Variants in CNOT1 observed in about 807,000 individuals in gnomAD.
CNOT1 encodes the protein CCR4-associated factor 1.
In CNOT1, 15 loss-of-function variants were observed where a neutral mutation model predicts 273.8. The observed-to-expected ratio is 0.05, with a 90% confidence interval of 0.04 to 0.08. The LOEUF (loss-of-function observed/expected upper bound fraction) is 0.08. Ranked by LOEUF, CNOT1 falls within the 10% of genes least tolerant of loss-of-function variation. CNOT1 has a pLI of 1.00. For missense variants in CNOT1, 1,644 were observed against 2,912.2 expected (o/e 0.56, Z 10.02); for synonymous variants, 1,022 against 1,005.5 (o/e 1.02, Z -0.31).
chr16:58,605,742 G>A (rs1354011725), intron 1 of CNOT1, among the ~76,000 whole-genome samples: 3 of 152,012 alleles, frequency 2.0e-5, no homozygotes, highest in Admixed American at 1.3e-4. Context: ...ACGGCTTACC[G>A]CAGCCTCCCT....
In CNOT1 at chr16:58,573,020, A is replaced by G. The variant is rs142568475; in HGVS notation, c.1979+1589T>C. ...TGAAAAAATATCACTGAAAAAAATTAAAGAGGCCAGGCGTAGTGGTTCACA... is the reference window on the plus strand; with the variant it reads ...TGAAAAAATATCACTGAAAAAAATTGAAGAGGCCAGGCGTAGTGGTTCACA... On this transcript the variant is annotated intron_variant, in intron 16 of 48. Coordinates refer to ENST00000317147, the MANE Select transcript of CNOT1 (RefSeq NM_016284.5). 5.5e-3 allele frequency among the ~76,000 whole-genome samples: 840 copies of G among 151,974 alleles called. 5 individuals are homozygous for G. Among genetic ancestry groups the G allele is most frequent in the African/African-American group, 0.02 (814 of 41,508 alleles).
At chr16:58,584,520 A>G (rs771420480) in intron 8 of CNOT1, among the ~76,000 whole-genome samples, 3 of 151,996 alleles carry the variant, frequency 2.0e-5, no homozygotes, top group Non-Finnish European at 4.4e-5. Flanking sequence ...TAGTATAGAC[A>G]GGGTCTTCAC....
chr16:58,622,276 T>C lies in CNOT1; in HGVS notation c.-175+7452A>G, dbSNP rs894822696. On this transcript the variant is annotated intron_variant, in intron 1 of 48. Transcript: ENST00000317147. The stretch of plus-strand genomic sequence containing the variant: ...TTGCAGTGAGCCGAGATGGCGCCAC[T>C]GCACTCCAGCCTGGGTGACAGAGCG... 4.5e-5 allele frequency among the ~76,000 whole-genome samples: 6 copies of C among 132,648 alleles called. No homozygotes were observed. In the East Asian group the frequency reaches 9.4e-4, roughly 21 times the overall value. The allele number at this position is 132,648 out of a possible 152,430, so 87.0% of individuals were successfully genotyped here.
At chr16:58,577,337 G>C (rs1439285608) in intron 13 of CNOT1, among the ~76,000 whole-genome samples, 2 of 152,186 alleles carry the variant, frequency 1.3e-5, no homozygotes, top group African/African-American at 2.4e-5. Flanking sequence ...TGGTGAGAAA[G>C]GAATGAAGAC....
In CNOT1 at chr16:58,583,140, C is replaced by T; in HGVS notation, c.849G>A (p.Arg283=). The T allele has an allele frequency of 6.2e-7, 1 of 1,613,930 alleles. No individual in the cohort carries two copies. Among genetic ancestry groups the T allele is most frequent in the Non-Finnish European group, 8.5e-7 (1 of 1,179,996 alleles). ...TTGCAACCTGGGCAGCTGTGACCTCCCGAACACCAAACTGCACGATTATAT... is the reference window on the plus strand; with the variant it reads ...TTGCAACCTGGGCAGCTGTGACCTCTCGAACACCAAACTGCACGATTATAT... ...CRNIIVQFGV[R]EVTAAQVARV... The change falls in exon 9 of 49, where the codon CGG becomes CGA. Residue 283 remains arginine, a synonymous_variant. Coordinates refer to ENST00000317147, the MANE Select transcript of CNOT1 (RefSeq NM_016284.5).
chr16:58,585,248 A>C (rs2041797785), intron 8 of CNOT1, 90 bp downstream of exon 8: 1 of 1,553,890 alleles, frequency 6.4e-7, no homozygotes, highest in Non-Finnish European at 8.7e-7. Context: ...AAAGATGATT[A>C]ACTTTAAGGA....
At chr16:58,611,381 A>G (rs2042893501) in intron 1 of CNOT1, among the ~76,000 whole-genome samples, 1 of 152,010 alleles carries the variant, frequency 6.6e-6, no homozygotes, top group East Asian at 1.9e-4. Context: ...GGGAGCCGAG[A>G]CCACGCCACT....
chr16:58,605,938 G>A (rs1333122622), intron 1 of CNOT1, among the ~76,000 whole-genome samples: 5 of 152,148 alleles, frequency 3.3e-5, no homozygotes. Flanking sequence ...TTATAGGCAT[G>A]AGCCACGGTA....
intron 40 of CNOT1, chr16:58,532,635 A>C: frequency 1.8e-6 from 1 of 556,958 alleles, no homozygotes; most frequent in Non-Finnish European, 2.9e-6. Flanking sequence ...AATATTCTCC[A>C]CAAATGCCCA....
chr16:58,549,668 ATTTCC>A, intron 25 of CNOT1, 46 bp downstream of exon 25: 1 of 1,547,306 alleles, frequency 6.5e-7, no homozygotes, highest in East Asian at 2.3e-5. Flanking sequence ...ATAATCAAAT[ATTTCC>A]AAATTCAAAG....
intron 22 of CNOT1, among the ~76,000 whole-genome samples, chr16:58,552,568 G>A (rs1255472124): frequency 3.3e-5 from 5 of 151,972 alleles, no homozygotes; most frequent in African/African-American, 1.2e-4. Context: ...CTCTTAATTT[G>A]TCTCAATCCA....
chr16:58,553,573 GAA>G (rs2040526768), intron 22 of CNOT1, among the ~76,000 whole-genome samples: 1 of 152,112 alleles, frequency 6.6e-6, no homozygotes, highest in Non-Finnish European at 1.5e-5. Flanking sequence ...CTGCTACTTA[GAA>G]AAGATAATCC....
At chr16:58,601,672 GATAC>G (rs1258521054) in intron 1 of CNOT1, among the ~76,000 whole-genome samples, 1 of 143,498 alleles carries the variant, frequency 7.0e-6, no homozygotes, top group African/African-American at 2.6e-5. Flanking sequence ...ATGTATAAAG[GATAC>G]ATAGTTTTAT....
intron 24 of CNOT1, among the ~76,000 whole-genome samples, 183 bp downstream of exon 24, chr16:58,550,949 G>T (rs1400200805): frequency 6.6e-6 from 1 of 152,132 alleles, no homozygotes; most frequent in African/African-American, 2.4e-5. Flanking sequence ...ATAACTTGCT[G>T]CAAAACAAAA....
intron 1 of CNOT1, among the ~76,000 whole-genome samples, chr16:58,602,454 G>A (rs1029936847): frequency 6.8e-6 from 1 of 146,008 alleles, no homozygotes; most frequent in South Asian, 2.2e-4. Context: ...TTGGGAGGTC[G>A]AGACAGGAGA....
chr16:58,619,866 G>A (rs1567449133), intron 1 of CNOT1, among the ~76,000 whole-genome samples: 2 of 152,146 alleles, frequency 1.3e-5, no homozygotes, highest in African/African-American at 4.8e-5. Context: ...GGTAAAGAAA[G>A]ATCTCCCTAA....
rs1432452649 is a variant in CNOT1, at chr16:58,520,544, G to A, written c.*414C>T. On this transcript the variant is annotated 3_prime_UTR_variant, in exon 49 of 49. Coordinates refer to ENST00000317147, the MANE Select transcript of CNOT1 (RefSeq NM_016284.5). ...TACATAATATTCAAACTGGCTTTTT[G>A]CTATTCTTTGGGACACCAGGAATGT... The A allele has an allele frequency of 5.6e-6, 1 of 179,560 alleles. No homozygotes were observed. Among genetic ancestry groups the A allele is most frequent in the East Asian group, 1.4e-4 (1 of 7,114 alleles). The allele number at this position is 179,560 out of a possible 1,614,324, so 11.1% of individuals were successfully genotyped here.
intron 34 of CNOT1, 85 bp downstream of exon 34, chr16:58,541,416 G>A: frequency 6.5e-7 from 1 of 1,547,308 alleles, no homozygotes; most frequent in Non-Finnish European, 8.7e-7. Flanking sequence ...TATTCTCCCA[G>A]GAAGCAAGTC....
intron 1 of CNOT1, among the ~76,000 whole-genome samples, chr16:58,625,938 T>C (rs2043560241): frequency 6.6e-6 from 1 of 151,856 alleles, no homozygotes; most frequent in South Asian, 2.1e-4. Context: ...AAGATTCATC[T>C]TTAAAATTGT....
Sources: allele counts gnomAD v4.1 joint callset (sites outside exome capture counted in the v4.1 genomes callset), GRCh38; gene constraint gnomAD v4.1.1; transcripts MANE v1.5; gene names NCBI Gene and HGNC (gene_info 2026-07-23, HGNC 2026-07-21).